Variants in ASTN2 observed in about 807,000 individuals in gnomAD.
The protein encoded by ASTN2 is astrotactin-2.
Under a neutral mutation model 139.8 loss-of-function variants are expected in ASTN2, and 54 were observed. The observed-to-expected ratio is 0.39, with a 90% CI of 0.31 to 0.48. The LOEUF is 0.48. Among genes scored for constraint, ASTN2 ranks in the 20% least tolerant of loss-of-function variants. The pLI is 0.95. For missense variants in ASTN2, 1,565 were observed against 1,725.1 expected, an observed-to-expected ratio of 0.91 and a Z score of 1.64; for synonymous variants, 756 against 719.5, an observed-to-expected ratio of 1.05 and a Z score of -0.81.
intron 19 of ASTN2, among the ~76,000 whole-genome samples, chr9:116,610,721 G>C (rs1855492715): frequency 1.3e-5 from 2 of 152,088 alleles, no homozygotes; most frequent in Admixed American, 6.5e-5. Flanking sequence ...AATATGCAAG[G>C]TCATTTCACA....
chr9:116,429,854 T>C (rs969937732), intron 22 of ASTN2, among the ~76,000 whole-genome samples: 3 of 152,338 alleles, frequency 2.0e-5, no homozygotes, highest in Non-Finnish European at 4.4e-5. Flanking sequence ...GTCATCAGTT[T>C]GGAGACTCAG....
rs190250195 is a variant in ASTN2 at position 116,723,137 on chromosome 9, C to T, written c.2806+2634G>A. Among the ~76,000 whole-genome samples, 47 of 151,050 alleles carry T rather than the reference C, an allele frequency of 3.1e-4. No individual in the cohort carries two copies. In the East Asian group the frequency reaches 8.9e-3, roughly 29 times the overall value. Reference sequence around the variant, plus strand: ...CAGAGATCGTGCCACTGAGCTCCAGCCTGGGTGACAGACTGAGACTCCGTC... The same window carrying T: ...CAGAGATCGTGCCACTGAGCTCCAGTCTGGGTGACAGACTGAGACTCCGTC... On this transcript the variant is annotated intron_variant, in intron 16 of 22. Transcript: ENST00000313400.
chr9:117,124,901 T>C (rs1192026662), intron 4 of ASTN2, among the ~76,000 whole-genome samples: 1 of 152,036 alleles, frequency 6.6e-6, no homozygotes, highest in Non-Finnish European at 1.5e-5. Context: ...ACAACCTCTC[T>C]GTGTCTCAGT....
rs189876883 is a variant in ASTN2 at position 117,162,640 on chromosome 9, T to C, written c.1016-21162A>G. 7.6e-4 allele frequency among the ~76,000 whole-genome samples: 116 copies of C among 152,226 alleles called. 1 individual carries two copies. The highest frequency in any genetic ancestry group is 1.3e-3 in the Non-Finnish European group (91 of 67,984). On this transcript the variant is annotated intron_variant, in intron 3 of 22. Coordinates refer to ENST00000313400, the MANE Select transcript of ASTN2 (RefSeq NM_001365068.1). ...TCTTTAAGCTTTCCTAGCCTCGGTT[T>C]CTGTATCTGTAAAATCTGTAAAATT...
At chr9:116,716,026 T>C (rs556598674) in intron 16 of ASTN2, among the ~76,000 whole-genome samples, 2 of 152,274 alleles carry the variant, frequency 1.3e-5, no homozygotes, top group East Asian at 1.9e-4. Flanking sequence ...GGCAGAGAGA[T>C]AGCAAAAGCT....
chr9:117,289,247 G>A (rs1167723871), intron 2 of ASTN2, among the ~76,000 whole-genome samples: 1 of 152,172 alleles, frequency 6.6e-6, no homozygotes, highest in Admixed American at 6.5e-5. Context: ...CCACACGGTG[G>A]TAGCCTTGGG....
intron 2 of ASTN2, among the ~76,000 whole-genome samples, chr9:117,265,132 G>C (rs1338469016): frequency 3.3e-5 from 5 of 152,196 alleles, no homozygotes; most frequent in Non-Finnish European, 2.9e-5. Context: ...AAGCAGTTCA[G>C]AAGATAGGAA....
At chr9:117,218,686 C>T (rs1832412376) in intron 2 of ASTN2, among the ~76,000 whole-genome samples, 1 of 152,200 alleles carries the variant, frequency 6.6e-6, no homozygotes, top group Admixed American at 6.5e-5. Flanking sequence ...CTGACCTTGG[C>T]TTGCTCCTAT....
At chr9:117,315,753 G>A (rs903270253) in intron 1 of ASTN2, among the ~76,000 whole-genome samples, 6 of 152,146 alleles carry the variant, frequency 3.9e-5, no homozygotes, top group Admixed American at 2.0e-4. Flanking sequence ...CCTGATTCTC[G>A]TTGAGATTCA....
At chr9:117,218,572 C>T (rs543168777) in intron 2 of ASTN2, among the ~76,000 whole-genome samples, 13 of 152,196 alleles carry the variant, frequency 8.5e-5, no homozygotes, top group Non-Finnish European at 1.6e-4. Context: ...CCAATCTGAA[C>T]ATCCCTCCCT....
chr9:117,007,627 G>T (rs745543465), intron 7 of ASTN2, among the ~76,000 whole-genome samples: 1 of 152,122 alleles, frequency 6.6e-6, no homozygotes, highest in Non-Finnish European at 1.5e-5. Context: ...CTAAAAATAT[G>T]CCTGGCTACT....
At chr9:116,832,495 T>C (rs150297355) in intron 11 of ASTN2, among the ~76,000 whole-genome samples, 26 of 152,296 alleles carry the variant, frequency 1.7e-4, no homozygotes, top group South Asian at 6.2e-4. Flanking sequence ...GTAGCTCTTT[T>C]ATTGATGTTC....
intron 13 of ASTN2, among the ~76,000 whole-genome samples, chr9:116,783,475 GAGA>G (rs1339278266): frequency 6.6e-6 from 1 of 152,108 alleles, no homozygotes; most frequent in Non-Finnish European, 1.5e-5. Flanking sequence ...TCTTGGGAGT[GAGA>G]AGGAGAAACA....
intron 10 of ASTN2, among the ~76,000 whole-genome samples, chr9:116,963,130 T>A (rs1228014553): frequency 1.3e-5 from 2 of 152,166 alleles, no homozygotes; most frequent in African/African-American, 4.8e-5. Context: ...GACCCTTACA[T>A]CTGGAAAAAA....
intron 10 of ASTN2, among the ~76,000 whole-genome samples, chr9:116,885,228 C>T (rs967133276): frequency 3.9e-5 from 6 of 152,114 alleles, no homozygotes; most frequent in African/African-American, 1.4e-4. Flanking sequence ...GGAAATGTCC[C>T]AACACATACA....
chr9:116,732,134 T>C (rs1164926716), intron 14 of ASTN2, among the ~76,000 whole-genome samples: 1 of 152,230 alleles, frequency 6.6e-6, no homozygotes, highest in East Asian at 1.9e-4. Flanking sequence ...TCAGGGGTGA[T>C]GTAAGATAGT....
At chr9:116,697,740 G>T in intron 16 of ASTN2, 1 of 1,613,916 alleles carries the variant, frequency 6.2e-7, no homozygotes, top group East Asian at 2.2e-5. Context: ...CAAAGGAAGA[G>T]CAATGGCTGC....
At chr9:116,958,567 C>T (rs182153748) in intron 10 of ASTN2, among the ~76,000 whole-genome samples, 72 of 152,010 alleles carry the variant, frequency 4.7e-4, no homozygotes, top group African/African-American at 1.7e-3. Context: ...CCAGCCTGGG[C>T]GACAAAGCTG....
Position 116,698,600 on chromosome 9 carries a change from T to C in ASTN2, c.2806+27171A>G, listed in dbSNP as rs762342489. On this transcript the variant is annotated intron_variant, in intron 16 of 22. Coordinates refer to ENST00000313400, the MANE Select transcript of ASTN2 (RefSeq NM_001365068.1). The surrounding 1 kb of genome is among the most constrained non-coding windows in gnomAD (Gnocchi z 4.4). The stretch of plus-strand genomic sequence containing the variant: ...TGGAGCTCCTTAAGGTAGGTCATGT[T>C]GGCCCCCTCCAAATTGGACAAGCTG... 7.4e-6 allele frequency: 12 copies of C among 1,613,976 alleles called. No individual in the cohort carries two copies. Among genetic ancestry groups the C allele is most frequent in the East Asian group, 2.2e-5 (1 of 44,890 alleles).
Sources: gnomAD v4.1 joint callset for allele counts (sites outside exome capture counted in the v4.1 genomes callset) on GRCh38, gnomAD v4.1.1 for gene constraint, Gnocchi (gnomAD v3.1) non-coding constraint, MANE v1.5 for transcripts, NCBI Gene and HGNC (gene_info 2026-07-23, HGNC 2026-07-21) for gene names.